Variants in BLTP3B observed in about 807,000 individuals in gnomAD.
BLTP3B encodes the protein UHRF1 (ICBP90) binding protein 1-like.
chr12:100,115,233 CG>C, the BLTP3B span, among the ~76,000 whole-genome samples: 556 of 152,136 alleles, frequency 3.7e-3, 7 homozygotes, highest in African/African-American at 0.013. Flanking sequence ...CGCGAAACCC[CG>C]TCTCCACTAA....
At chr12:100,092,450 T>C in the BLTP3B span, among the ~76,000 whole-genome samples, 2 of 152,092 alleles carry the variant, frequency 1.3e-5, no homozygotes, top group Admixed American at 6.5e-5. Flanking sequence ...GCCCACTAAC[T>C]ACAACTAGGA....
At chr12:100,084,691 A>C in the BLTP3B span, 1 of 1,584,316 alleles carries the variant, frequency 6.3e-7, no homozygotes, top group Non-Finnish European at 8.6e-7. Flanking sequence ...TTCATTGAAA[A>C]ATGTACAACT....
At chr12:100,089,101 A>C in the BLTP3B span, 1 of 1,500,746 alleles carries the variant, frequency 6.7e-7, no homozygotes, top group Non-Finnish European at 8.9e-7. Flanking sequence ...GAGCTCTAAA[A>C]AGATTCGAAA....
chr12:100,104,209 T>TTTCTTTTC, the BLTP3B span, among the ~76,000 whole-genome samples: 1 of 148,826 alleles, frequency 6.7e-6, no homozygotes, highest in South Asian at 2.1e-4. Context: ...TTTTTCTTTT[T>TTTCTTTTC]TTTTTTTTTT....
chr12:100,059,645 CT>C, the BLTP3B span: 3 of 1,253,378 alleles, frequency 2.4e-6, no homozygotes, highest in Non-Finnish European at 3.2e-6. Flanking sequence ...CCCCAAAATA[CT>C]ACTTTCCTAT....
At chr12:100,113,461 T>G in the BLTP3B span, among the ~76,000 whole-genome samples, 1 of 149,906 alleles carries the variant, frequency 6.7e-6, no homozygotes, top group East Asian at 1.9e-4. Context: ...AGACTCTGTG[T>G]AAAAAAAAAA....
the BLTP3B span, chr12:100,086,288 A>G: frequency 6.6e-7 from 1 of 1,506,516 alleles, no homozygotes; most frequent in Admixed American, 2.0e-5. Context: ...CTTTATGATA[A>G]GGATAATAAT....
the BLTP3B span, among the ~76,000 whole-genome samples, chr12:100,114,114 C>T: frequency 6.6e-6 from 1 of 152,120 alleles, no homozygotes; most frequent in Non-Finnish European, 1.5e-5. Context: ...AATTATTTAG[C>T]TTGTTATTAA....
At chr12:100,061,630 C>T in the BLTP3B span, among the ~76,000 whole-genome samples, 2 of 139,014 alleles carry the variant, frequency 1.4e-5, no homozygotes, top group Non-Finnish European at 3.0e-5. Context: ...GCACTCCAGC[C>T]TGGATGACAG....
At chr12:100,062,358 T>G in the BLTP3B span, among the ~76,000 whole-genome samples, 1 of 152,208 alleles carries the variant, frequency 6.6e-6, no homozygotes, top group South Asian at 2.1e-4. Context: ...AAAACGAAAG[T>G]TAAGAGATTA....
chr12:100,142,440 G>C, the BLTP3B span: 1 of 790,672 alleles, frequency 1.3e-6, no homozygotes, highest in Non-Finnish European at 1.9e-6. Context: ...CAAGAGATCC[G>C]GGGCCGCGAC....
the BLTP3B span, among the ~76,000 whole-genome samples, chr12:100,130,907 C>T: frequency 1.5e-5 from 2 of 130,570 alleles, no homozygotes; most frequent in Non-Finnish European, 3.2e-5. Flanking sequence ...AAGAATGAAA[C>T]TCTATCTCAA....
the BLTP3B span, among the ~76,000 whole-genome samples, chr12:100,066,159 A>G: frequency 6.6e-6 from 1 of 152,146 alleles, no homozygotes; most frequent in Non-Finnish European, 1.5e-5. Context: ...GACTCACACA[A>G]ACTTAAGGTA....
chr12:100,086,221 G>A, the BLTP3B span: 1 of 1,108,918 alleles, frequency 9.0e-7, no homozygotes, highest in Admixed American at 3.1e-5. Context: ...AAATAAATTA[G>A]CTATATAATT....
the BLTP3B span, among the ~76,000 whole-genome samples, chr12:100,063,863 T>C: frequency 6.6e-6 from 1 of 151,998 alleles, no homozygotes; most frequent in South Asian, 2.1e-4. Flanking sequence ...ACTCTGGTAA[T>C]ATGACAAGAC....
At chr12:100,132,030 G>A in the BLTP3B span, among the ~76,000 whole-genome samples, 30 of 152,264 alleles carry the variant, frequency 2.0e-4, no homozygotes, top group Middle Eastern at 3.4e-3. Flanking sequence ...GACCTCAGGT[G>A]ATCTACCCGC....
the BLTP3B span, among the ~76,000 whole-genome samples, chr12:100,117,196 G>A: frequency 2.0e-5 from 3 of 152,186 alleles, no homozygotes; most frequent in African/African-American, 7.2e-5. Context: ...AGTGAGGGCT[G>A]CACATAGTAC....
At chr12:100,106,463 G>A in the BLTP3B span, among the ~76,000 whole-genome samples, 12 of 152,166 alleles carry the variant, frequency 7.9e-5, no homozygotes, top group African/African-American at 2.9e-4. Flanking sequence ...GCAGCAACTT[G>A]AAAAGAACTG....
chr12:100,042,044 T>C, the BLTP3B span, among the ~76,000 whole-genome samples: 45 of 152,148 alleles, frequency 3.0e-4, no homozygotes, highest in African/African-American at 8.7e-4. Flanking sequence ...CAAATAAACT[T>C]AACAAAAGAA....
Sources: gnomAD v4.1 joint callset for allele counts (sites outside exome capture counted in the v4.1 genomes callset) on GRCh38, gnomAD v4.1.1 for gene constraint, MANE v1.5 for transcripts, NCBI Gene and HGNC (gene_info 2026-07-23, HGNC 2026-07-21) for gene names.